The following AGXT variants were observed in gnomAD, a reference collection of about 807,000 sequenced individuals.
AGXT encodes alanine--glyoxylate aminotransferase.
AGXT carries 41 observed loss-of-function variants against 46.9 expected under a neutral mutation model. That is an observed-to-expected ratio of 0.88 (90% CI 0.68 to 1.14). The LOEUF is 1.14. Ranked by LOEUF, AGXT falls within the 50% of genes most tolerant of loss-of-function variation. The probability of loss-of-function intolerance (pLI) is 0.00; values close to 1 mark genes in which losing one functional copy is unlikely to be tolerated. For missense variants in AGXT, 525 were observed against 522.7 expected (o/e 1.00, Z -0.04); for synonymous variants, 244 against 227.9 (o/e 1.07, Z -0.64).
intron 6 of AGXT, 63 bp downstream of exon 6, chr2:240,874,125 C>G: frequency 1.3e-6 from 2 of 1,545,278 alleles, no homozygotes; most frequent in Non-Finnish European, 1.8e-6. Flanking sequence ...TCAGGTGGCC[C>G]GAGGCGGGAG....
chr2:240,879,013 A>C lies in AGXT; in HGVS notation c.*192A>C. ...TTTTCCCTCCAGTGGCACCTCCTGG[A>C]AACAGTCCACTTGGGCGCAAAACCC... is the stretch of plus-strand genomic sequence containing the variant. On this transcript the variant is annotated 3_prime_UTR_variant, in exon 11 of 11. Transcript: ENST00000307503. 1 of 636,360 alleles carries C rather than the reference A, an allele frequency of 1.6e-6. No homozygotes were observed. The highest frequency in any genetic ancestry group is 2.8e-6 in the Non-Finnish European group (1 of 355,916). The allele number at this position is 636,360 out of a possible 1,614,324, so 39.4% of individuals were successfully genotyped here. A position where few individuals can be genotyped will look rare whatever the true frequency, so the allele number is the denominator to read the frequency against.
Position 240,875,096 on chromosome 2 carries a change from T to C in AGXT, c.681-13T>C. 1 of 1,598,360 alleles carries C rather than the reference T, an allele frequency of 6.3e-7. No individual in the cohort carries two copies. The highest frequency in any genetic ancestry group is 8.6e-7 in the Non-Finnish European group (1 of 1,165,802). ...CTGAGAGGCTGGTGCTCAGCCTGCT[T>C]CTTTCTCCCCAGAAAGAAGATGTAC... On this transcript the variant is annotated splice_polypyrimidine_tract_variant and intron_variant, in intron 6 of 10. Coordinates refer to ENST00000307503, the MANE Select transcript of AGXT (RefSeq NM_000030.3).
At chr2:240,869,582 C>T (rs1433446836) in intron 2 of AGXT, among the ~76,000 whole-genome samples, 1 of 152,206 alleles carries the variant, frequency 6.6e-6, no homozygotes, top group Non-Finnish European at 1.5e-5. Context: ...ACAGGTGCCC[C>T]GATCCCCCCA....
intron 8 of AGXT, chr2:240,877,245 C>T: frequency 1.7e-6 from 1 of 601,308 alleles, no homozygotes; most frequent in Non-Finnish European, 3.1e-6. Context: ...CCTTCCCCTC[C>T]TTGCCCAGTC....
Position 240,869,455 on chromosome 2 carries a change from G to A in AGXT, c.358+93G>A, listed in dbSNP as rs532475209. The stretch of plus-strand genomic sequence containing the variant: ...TTTGAAGCTGGCAGCCCCCGTTCCT[G>A]GGTGAGCGCTTACCCACCTTGTGGC... On this transcript the variant is annotated intron_variant, in intron 2 of 10. Coordinates refer to ENST00000307503, the MANE Select transcript of AGXT (RefSeq NM_000030.3). 3.6e-6 allele frequency: 5 copies of A among 1,403,012 alleles called. No homozygotes were observed. The East Asian group carries it at 7.2e-5, about 20-fold the overall frequency. 86.9% of individuals were successfully genotyped at this position (1,403,012 alleles called of 1,614,324 possible). A position where few individuals can be genotyped will look rare whatever the true frequency, so the allele number is the denominator to read the frequency against.
At chr2:240,871,896 C>G (rs2058992878) in intron 4 of AGXT, among the ~76,000 whole-genome samples, 1 of 152,244 alleles carries the variant, frequency 6.6e-6, no homozygotes, top group Non-Finnish European at 1.5e-5. Flanking sequence ...CGGACAGAGC[C>G]CCTTGGGACC....
rs180177175 is a variant in AGXT, at chr2:240,869,113, C to T, written c.166-57C>T. 3 of 1,611,144 alleles carry T rather than the reference C, an allele frequency of 1.9e-6. No individual in the cohort carries two copies. Among genetic ancestry groups the T allele is most frequent in the South Asian group, 1.1e-5 (1 of 90,942 alleles). ...CGTGGACGAGGGAAGGGGGTCACTG[C>T]CTCCTCACTTGGGGAGGCGGGGAGC... is the stretch of plus-strand genomic sequence containing the variant. On this transcript the variant is annotated intron_variant, in intron 1 of 10. Coordinates refer to ENST00000307503, the MANE Select transcript of AGXT (RefSeq NM_000030.3).
chr2:240,872,506 G>GAACAT (rs2058997893), intron 4 of AGXT, among the ~76,000 whole-genome samples: 2 of 152,116 alleles, frequency 1.3e-5, no homozygotes, highest in Non-Finnish European at 2.9e-5. Context: ...GAGAGTTTGT[G>GAACAT]GCGCTGCTGC....
chr2:240,875,818 G>A (rs2059021655), intron 7 of AGXT, 117 bp from the exon 8 acceptor site: 1 of 1,149,794 alleles, frequency 8.7e-7, no homozygotes, highest in African/African-American at 1.5e-5. Context: ...CTCTGCGGAG[G>A]ATACCGGCCT....
At position 240,879,767 on chromosome 2, in the gene AGXT, C is replaced by A. The variant is rs2106432848; in HGVS notation, c.*946C>A. ...TCAAGTGATCCACCTGCCTCGGCCT[C>A]CCAAAGTGCTGGGATTACAAGCGTG... On this transcript the variant is annotated 3_prime_UTR_variant, in exon 11 of 11. Coordinates refer to ENST00000307503, the MANE Select transcript of AGXT (RefSeq NM_000030.3). The A allele has an allele frequency of 6.6e-6, 1 of 152,416 alleles. No individual in the cohort carries two copies. Among genetic ancestry groups the A allele is most frequent in the East Asian group, 1.9e-4 (1 of 5,184 alleles). 9.4% of individuals were successfully genotyped at this position (152,416 alleles called of 1,614,324 possible).
At chr2:240,872,616 G>A (rs2058998410) in intron 4 of AGXT, among the ~76,000 whole-genome samples, 1 of 152,042 alleles carries the variant, frequency 6.6e-6, no homozygotes, top group Non-Finnish European at 1.5e-5. Context: ...GTGCCACCCT[G>A]GTCCCTGGGG....
Position 240,878,788 on chromosome 2 carries a change from G to A in AGXT, c.1146G>A (p.Ala382=), listed in dbSNP as rs1411043880. 1.0e-5 allele frequency: 16 copies of A among 1,594,748 alleles called. No individual in the cohort carries two copies. Among genetic ancestry groups the A allele is most frequent in the South Asian group, 5.7e-5 (5 of 87,602 alleles). ...NVDRVTEALR[A]ALQHCPKKKL ...ACCGCGTGACGGAGGCCCTGAGGGCGGCCCTGCAGCACTGCCCCAAGAAGA... is the reference window on the plus strand; with the variant it reads ...ACCGCGTGACGGAGGCCCTGAGGGCAGCCCTGCAGCACTGCCCCAAGAAGA... The change falls in exon 11 of 11, where the codon GCG becomes GCA. Residue 382 remains alanine, a synonymous_variant. Coordinates refer to ENST00000307503, the MANE Select transcript of AGXT (RefSeq NM_000030.3).
At position 240,869,243 on chromosome 2, in the gene AGXT, G is replaced by A; in HGVS notation, c.239G>A (p.Gly80Asp). 6.2e-7 allele frequency: 1 copy of A among 1,613,496 alleles called. No individual in the cohort carries two copies. Among genetic ancestry groups the A allele is most frequent in the Non-Finnish European group, 8.5e-7 (1 of 1,179,810 alleles). ...AACCCACTCACACTGGTCATCTCTG[G>A]CTCGGGACACTGTGCCCTGGAGGCC... ...TRNPLTLVIS[G>D]SGHCALEAAL... Residue 80 changes from glycine to aspartate, a missense_variant, in exon 2 of 11, where the codon GGC (glycine) becomes GAC (aspartate). Coordinates refer to ENST00000307503, the MANE Select transcript of AGXT (RefSeq NM_000030.3).
Position 240,870,254 on chromosome 2 carries a change from T to C in AGXT, c.359-390T>C, listed in dbSNP as rs1229847766. 2.0e-5 allele frequency among the ~76,000 whole-genome samples: 3 copies of C among 152,108 alleles called. No individual in the cohort carries two copies. In the East Asian group the frequency reaches 5.8e-4, roughly 29 times the overall value. On this transcript the variant is annotated intron_variant, in intron 2 of 10. Coordinates refer to ENST00000307503, the MANE Select transcript of AGXT (RefSeq NM_000030.3). ...TCACCCCTCATCCTTCAGTCTGTCA[T>C]CCATCACACCTGTGGTGTGCCAGCC...
rs1193432305 is a variant in AGXT, at chr2:240,875,096, T to G, written c.681-13T>G. On this transcript the variant is annotated splice_polypyrimidine_tract_variant and intron_variant, in intron 6 of 10. Coordinates refer to ENST00000307503, the MANE Select transcript of AGXT (RefSeq NM_000030.3). The stretch of plus-strand genomic sequence containing the variant: ...CTGAGAGGCTGGTGCTCAGCCTGCT[T>G]CTTTCTCCCCAGAAAGAAGATGTAC... The G allele has an allele frequency of 3.8e-6, 6 of 1,598,360 alleles. No individual in the cohort carries two copies. Among genetic ancestry groups the G allele is most frequent in the Non-Finnish European group, 5.1e-6 (6 of 1,165,802 alleles).
At chr2:240,877,242 C>T in intron 8 of AGXT, 1 of 594,834 alleles carries the variant, frequency 1.7e-6, no homozygotes. Context: ...AGCCCTTCCC[C>T]TCCTTGCCCA....
intron 10 of AGXT, 111 bp from the exon 11 acceptor site, chr2:240,878,603 G>A (rs1186522197): frequency 2.7e-5 from 27 of 1,011,848 alleles, no homozygotes; most frequent in Admixed American, 4.0e-5. Context: ...CATGGACGCT[G>A]GGTGGGTGGT....
intron 4 of AGXT, 50 bp downstream of exon 4, chr2:240,871,499 T>C (rs1345487413): frequency 4.0e-6 from 6 of 1,507,656 alleles, no homozygotes; most frequent in Non-Finnish European, 5.4e-6. Context: ...AGAGCCAGGC[T>C]ATGGGGAGGG....
Position 240,872,981 on chromosome 2 carries a change from A to T in AGXT, c.527A>T (p.Tyr176Phe). 6.2e-7 allele frequency: 1 copy of T among 1,613,756 alleles called. No individual in the cohort carries two copies. Among genetic ancestry groups the T allele is most frequent in the Non-Finnish European group, 8.5e-7 (1 of 1,179,758 alleles). Reference sequence around the variant, plus strand: ...CATTCTGTCCCCCACCTCTCCAGGTACAAGTGCCTGCTCCTGGTGGATTCG... The same window carrying T: ...CATTCTGTCCCCCACCTCTCCAGGTTCAAGTGCCTGCTCCTGGTGGATTCG... The part of the protein sequence containing the change: ...LDGFGELCHR[Y>F]KCLLLVDSVA... The change falls in exon 5 of 11, where the codon TAC becomes TTC. Residue 176 changes from tyrosine (Y) to phenylalanine (F), a missense_variant and splice_region_variant. Tyr to Phe is a conservative substitution (Grantham distance 22). Coordinates refer to ENST00000307503, the MANE Select transcript of AGXT (RefSeq NM_000030.3).
Sources: gnomAD v4.1 joint callset for allele counts (sites outside exome capture counted in the v4.1 genomes callset) on GRCh38, gnomAD v4.1.1 for gene constraint, MANE v1.5 for transcripts, NCBI Gene and HGNC (gene_info 2026-07-23, HGNC 2026-07-21) for gene names.